Variants in MPDZ observed in about 807,000 individuals in gnomAD.
The protein encoded by MPDZ is multiple PDZ domain protein.
Under a neutral mutation model 239.1 loss-of-function variants are expected in MPDZ, and 234 were observed. The observed-to-expected ratio is 0.98, with a 90% CI of 0.88 to 1.09. MPDZ has a LOEUF of 1.09. Among genes scored for constraint, MPDZ ranks in the 50% least tolerant of loss-of-function variants. The pLI is 0.00. For synonymous variants in MPDZ, 1,048 were observed against 881.3 expected, an observed-to-expected ratio of 1.19 and a Z score of -3.35; for missense variants, 3,175 against 2,510.0, an observed-to-expected ratio of 1.26 and a Z score of -5.66.
intron 24 of MPDZ, among the ~76,000 whole-genome samples, chr9:13,153,857 C>T (rs1949503278): frequency 6.6e-6 from 1 of 152,006 alleles, no homozygotes; most frequent in Non-Finnish European, 1.5e-5. Flanking sequence ...TCTCCAAGGG[C>T]TCTTTATGTT....
chr9:13,113,653 G>C (rs1942883755), intron 41 of MPDZ, among the ~76,000 whole-genome samples: 1 of 151,990 alleles, frequency 6.6e-6, no homozygotes, highest in Non-Finnish European at 1.5e-5. Flanking sequence ...ACACAGAAAA[G>C]GAATAAAATC....
intron 1 of MPDZ, among the ~76,000 whole-genome samples, chr9:13,258,142 T>G (rs1398167910): frequency 6.6e-6 from 1 of 152,178 alleles, no homozygotes; most frequent in African/African-American, 2.4e-5. Context: ...AGGAACTGAT[T>G]AACTGAGTAA....
At chr9:13,132,388 C>A (rs1285930312) in intron 32 of MPDZ, among the ~76,000 whole-genome samples, 1 of 152,172 alleles carries the variant, frequency 6.6e-6, no homozygotes, top group Non-Finnish European at 1.5e-5. Flanking sequence ...CTTCTGTCCA[C>A]CCTCATTGCT....
chr9:13,176,078 C>T, intron 20 of MPDZ, 58 bp downstream of exon 20: 2 of 1,481,078 alleles, frequency 1.4e-6, no homozygotes, highest in Non-Finnish European at 1.8e-6. Context: ...CCAGAATAAC[C>T]TTACTTCACT....
At chr9:13,127,364 A>C (rs1945273743) in intron 32 of MPDZ, among the ~76,000 whole-genome samples, 1 of 152,244 alleles carries the variant, frequency 6.6e-6, no homozygotes, top group Admixed American at 6.5e-5. Flanking sequence ...GAACCTGCCA[A>C]GGCTGGGGAG....
Position 13,186,395 on chromosome 9 carries a change from A to C in MPDZ, c.2365-9T>G, listed in dbSNP as rs2134686020. 6.6e-7 allele frequency: 1 copy of C among 1,511,836 alleles called. No individual in the cohort carries two copies. Among genetic ancestry groups the C allele is most frequent in the Non-Finnish European group, 9.0e-7 (1 of 1,107,786 alleles). 93.7% of individuals were successfully genotyped at this position (1,511,836 alleles called of 1,614,324 possible). On this transcript the variant is annotated splice_polypyrimidine_tract_variant and intron_variant, in intron 17 of 46. Transcript: ENST00000319217. Reference sequence around the variant, plus strand: ...CCTTCTTCTGGTGAAAGCTGCAGGGAAAAAATGGTATTCATGGAAAAGAGA... The same window carrying C: ...CCTTCTTCTGGTGAAAGCTGCAGGGCAAAAATGGTATTCATGGAAAAGAGA...
At chr9:13,123,451 T>A (rs533672734) in intron 35 of MPDZ, among the ~76,000 whole-genome samples, 153 bp from the exon 36 acceptor site, 1 of 152,286 alleles carries the variant, frequency 6.6e-6, no homozygotes, top group East Asian at 1.9e-4. Flanking sequence ...AATCTTTTAA[T>A]TATCTTATAT....
chr9:13,263,981 C>T (rs12552931), intron 1 of MPDZ, among the ~76,000 whole-genome samples: 2 of 152,138 alleles, frequency 1.3e-5, no homozygotes, highest in Non-Finnish European at 2.9e-5. Flanking sequence ...ATCAAAATCA[C>T]TACATTGACC....
chr9:13,239,629 A>C (rs1228345744), intron 3 of MPDZ, among the ~76,000 whole-genome samples: 2 of 152,178 alleles, frequency 1.3e-5, no homozygotes, highest in African/African-American at 2.4e-5. Context: ...AAAGATAAAT[A>C]ATGAATGACA....
At position 13,219,664 on chromosome 9, in the gene MPDZ, A is replaced by G. The variant is rs1958827843; in HGVS notation, c.981T>C (p.Asn327=). ...QVAQVLRQCG[N]RVKLMIARGA... ...CTCTTGCAATCATCAACTTAACTCTATTTCCACATTGCCTAAGGACTTGTG... is the reference window on the plus strand; with the variant it reads ...CTCTTGCAATCATCAACTTAACTCTGTTTCCACATTGCCTAAGGACTTGTG... Residue 327 remains asparagine (N), a synonymous_variant, in exon 8 of 47, where the codon AAT becomes AAC. Transcript: ENST00000319217. 15 of 1,612,636 alleles carry G rather than the reference A, an allele frequency of 9.3e-6. No homozygotes were observed. Among genetic ancestry groups the G allele is most frequent in the Non-Finnish European group, 1.2e-5 (14 of 1,179,218 alleles).
chr9:13,167,645 A>G (rs1951240283), intron 22 of MPDZ, among the ~76,000 whole-genome samples: 1 of 152,166 alleles, frequency 6.6e-6, no homozygotes, highest in South Asian at 2.1e-4. Flanking sequence ...CATACATTAA[A>G]AACAAATATT....
At chr9:13,119,791 C>A in intron 38 of MPDZ, 142 bp from the exon 39 acceptor site, 1 of 822,886 alleles carries the variant, frequency 1.2e-6, no homozygotes, top group South Asian at 1.6e-5. Flanking sequence ...AACACTGGGG[C>A]AACATTAGAA....
intron 1 of MPDZ, among the ~76,000 whole-genome samples, chr9:13,269,669 A>C (rs1972534651): frequency 6.6e-6 from 1 of 152,252 alleles, no homozygotes; most frequent in Non-Finnish European, 1.5e-5. Flanking sequence ...TATTTTTCAT[A>C]ATCTGTACCA....
chr9:13,134,529 G>C (rs1237083493), intron 31 of MPDZ: 1 of 151,928 alleles, frequency 6.6e-6, no homozygotes, highest in Non-Finnish European at 1.5e-5. Context: ...TATTCATTTA[G>C]GAAAGAATGT....
chr9:13,159,484 T>C (rs1236886473), intron 23 of MPDZ, among the ~76,000 whole-genome samples: 1 of 152,108 alleles, frequency 6.6e-6, no homozygotes, highest in African/African-American at 2.4e-5. Flanking sequence ...GAAATCTTTG[T>C]CCAGAGGATG....
rs191226803 is a variant in MPDZ, at chr9:13,229,339, T to C, written c.184-4756A>G. Among the ~76,000 whole-genome samples, 842 of 152,070 alleles carry C rather than the reference T, an allele frequency of 5.5e-3. 3 individuals are homozygous for C. The highest frequency in any genetic ancestry group is 0.019 in the African/African-American group (788 of 41,488). On this transcript the variant is annotated intron_variant, in intron 3 of 46. Transcript: ENST00000319217. Reference sequence around the variant, plus strand: ...ATGAATATCAGAAGGCAAGAAATACTGGCCATCTTAGAGGCTGACTAGAAT... The same window carrying C: ...ATGAATATCAGAAGGCAAGAAATACCGGCCATCTTAGAGGCTGACTAGAAT...
At chr9:13,122,512 T>G (rs952692955) in intron 36 of MPDZ, among the ~76,000 whole-genome samples, 1 of 151,972 alleles carries the variant, frequency 6.6e-6, no homozygotes, top group Non-Finnish European at 1.5e-5. Context: ...AAAGTATCAA[T>G]TTTTCAAACT....
intron 1 of MPDZ, among the ~76,000 whole-genome samples, chr9:13,276,219 G>A (rs758006516): frequency 6.6e-6 from 1 of 151,960 alleles, no homozygotes; most frequent in Non-Finnish European, 1.5e-5. Context: ...TGAATACCTC[G>A]GATCTTCTCT....
At chr9:13,233,316 T>C (rs912686556) in intron 3 of MPDZ, among the ~76,000 whole-genome samples, 1 of 152,096 alleles carries the variant, frequency 6.6e-6, no homozygotes, top group Non-Finnish European at 1.5e-5. Flanking sequence ...AAGTATATTC[T>C]AGAATATTCA....
Sources: allele counts gnomAD v4.1 joint callset (sites outside exome capture counted in the v4.1 genomes callset), GRCh38; gene constraint gnomAD v4.1.1; transcripts MANE v1.5; gene names NCBI Gene and HGNC (gene_info 2026-07-23, HGNC 2026-07-21).